CDKAL1: variants seen among roughly 807,000 people sequenced by gnomAD.
CDKAL1 encodes the protein threonylcarbamoyladenosine tRNA methylthiotransferase.
In CDKAL1, 32 loss-of-function variants were observed where a neutral mutation model predicts 68.2. That is an observed-to-expected ratio of 0.47 (90% CI 0.35 to 0.63). CDKAL1 has a LOEUF of 0.63. Ranked by LOEUF, CDKAL1 falls within the 30% of genes least tolerant of loss-of-function variation. CDKAL1 has a pLI of 0.00. For synonymous variants in CDKAL1, 234 were observed against 244.3 expected (o/e 0.96, Z 0.39); for missense variants, 606 against 696.7 (o/e 0.87, Z 1.47).
chr6:20,905,833 A>G lies in CDKAL1; in HGVS notation c.743-49586A>G, dbSNP rs183457228. ...CAACACAAAACAAACCCAGACAGCCAAAGAACCTATATCTAACGAAACTGT... is the reference window on the plus strand; with the variant it reads ...CAACACAAAACAAACCCAGACAGCCGAAGAACCTATATCTAACGAAACTGT... On this transcript the variant is annotated intron_variant, in intron 9 of 15. Coordinates refer to ENST00000274695, the MANE Select transcript of CDKAL1 (RefSeq NM_017774.3). 3.3e-3 allele frequency among the ~76,000 whole-genome samples: 507 copies of G among 152,338 alleles called. 10 individuals are homozygous for G. The highest frequency in any genetic ancestry group is 0.03 in the Admixed American group (452 of 15,302).
intron 4 of CDKAL1, among the ~76,000 whole-genome samples, chr6:20,590,472 A>G (rs1765545800): frequency 6.6e-6 from 1 of 152,022 alleles, no homozygotes; most frequent in Non-Finnish European, 1.5e-5. Flanking sequence ...CCCATCATCT[A>G]CATTAGGTAT....
intron 5 of CDKAL1, among the ~76,000 whole-genome samples, chr6:20,694,913 C>T (rs761366778): frequency 1.1e-4 from 16 of 152,238 alleles, no homozygotes; most frequent in Non-Finnish European, 1.8e-4. Flanking sequence ...CTGGTACCCC[C>T]ACATCTCTCT....
In CDKAL1 at chr6:20,978,315, T is replaced by A. The variant is rs527852089; in HGVS notation, c.910-21912T>A. Among the ~76,000 whole-genome samples, 213 of 152,318 alleles carry A rather than the reference T, an allele frequency of 1.4e-3. 1 individual carries two copies. Among genetic ancestry groups the A allele is most frequent in the Middle Eastern group, 0.01 (3 of 294 alleles). ...GAGCTTCACATGTGGCGGGTGTTTT[T>A]CTTAAGTTATTAGTAAGTGCCACAG... On this transcript the variant is annotated intron_variant, in intron 10 of 15. Transcript: ENST00000274695.
chr6:20,932,208 G>A (rs1763494421), intron 9 of CDKAL1, among the ~76,000 whole-genome samples: 1 of 152,166 alleles, frequency 6.6e-6, no homozygotes, highest in Non-Finnish European at 1.5e-5. Context: ...TTCTCTGAAA[G>A]TCTAAAATTA....
intron 9 of CDKAL1, among the ~76,000 whole-genome samples, chr6:20,858,867 G>A (rs528645016): frequency 6.6e-6 from 1 of 152,182 alleles, no homozygotes; most frequent in East Asian, 1.9e-4. Context: ...CAGAAAAAAA[G>A]GAGAAATTAT....
intron 11 of CDKAL1, among the ~76,000 whole-genome samples, chr6:21,017,028 TAAC>T (rs1248969824): frequency 2.0e-5 from 3 of 152,188 alleles, no homozygotes; most frequent in African/African-American, 4.8e-5. Flanking sequence ...TAAGGAACAG[TAAC>T]AACAACAGTT....
At chr6:21,131,805 AT>A (rs145900960) in intron 13 of CDKAL1, among the ~76,000 whole-genome samples, 19 of 152,168 alleles carry the variant, frequency 1.2e-4, no homozygotes, top group African/African-American at 2.2e-4. Flanking sequence ...TTTTAAAAAT[AT>A]TTTTTTAAAG....
chr6:20,676,116 G>C (rs1770082899), intron 5 of CDKAL1, among the ~76,000 whole-genome samples: 2 of 152,062 alleles, frequency 1.3e-5, no homozygotes, highest in Non-Finnish European at 2.9e-5. Flanking sequence ...GTGTTTTAAG[G>C]TAATCGTTAT....
chr6:21,176,880 G>C (rs555185152), intron 13 of CDKAL1, among the ~76,000 whole-genome samples: 1 of 151,590 alleles, frequency 6.6e-6, no homozygotes. Flanking sequence ...TGTAGTTTTA[G>C]TAGAGATGGG....
At chr6:20,869,719 T>C (rs1455426145) in intron 9 of CDKAL1, among the ~76,000 whole-genome samples, 3 of 152,208 alleles carry the variant, frequency 2.0e-5, no homozygotes, top group Non-Finnish European at 4.4e-5. Context: ...AAATAAGATT[T>C]CTAGCATAAT....
At chr6:20,768,848 G>C (rs1468587819) in intron 7 of CDKAL1, among the ~76,000 whole-genome samples, 2 of 152,158 alleles carry the variant, frequency 1.3e-5, no homozygotes, top group African/African-American at 2.4e-5. Flanking sequence ...TGATTCTCAA[G>C]AATGTTTGCT....
At chr6:20,802,429 A>C (rs972562093) in intron 8 of CDKAL1, among the ~76,000 whole-genome samples, 2 of 152,028 alleles carry the variant, frequency 1.3e-5, no homozygotes, top group South Asian at 4.2e-4. Context: ...TCCTCACCCT[A>C]TAGTCTCAAA....
chr6:20,879,436 G>T (rs904806589), intron 9 of CDKAL1, among the ~76,000 whole-genome samples: 1 of 152,226 alleles, frequency 6.6e-6, no homozygotes. Flanking sequence ...TTATGTAATA[G>T]TCACTTCAAC....
At chr6:20,946,004 A>G (rs1275391094) in intron 9 of CDKAL1, among the ~76,000 whole-genome samples, 1 of 152,200 alleles carries the variant, frequency 6.6e-6, no homozygotes, top group African/African-American at 2.4e-5. Context: ...AACTGCATTC[A>G]GTTTTCATGA....
intron 7 of CDKAL1, among the ~76,000 whole-genome samples, chr6:20,767,859 T>C (rs1774768422): frequency 6.6e-6 from 1 of 152,214 alleles, no homozygotes; most frequent in South Asian, 2.1e-4. Flanking sequence ...ATGGAGAGAC[T>C]AAATACCAAT....
intron 9 of CDKAL1, among the ~76,000 whole-genome samples, chr6:20,877,659 TTCTTAC>T (rs1416384291): frequency 2.6e-5 from 4 of 152,202 alleles, no homozygotes; most frequent in Non-Finnish European, 5.9e-5. Flanking sequence ...CTGTGTTCAT[TTCTTAC>T]TCTTACTCAT....
At chr6:20,569,907 C>T (rs1428747700) in intron 4 of CDKAL1, among the ~76,000 whole-genome samples, 1 of 152,042 alleles carries the variant, frequency 6.6e-6, no homozygotes, top group Non-Finnish European at 1.5e-5. Context: ...AACCTTTCAT[C>T]TCAAGAGAGT....
chr6:20,838,306 C>G (rs1041933787), intron 8 of CDKAL1, among the ~76,000 whole-genome samples: 2 of 152,026 alleles, frequency 1.3e-5, no homozygotes, highest in African/African-American at 4.8e-5. Context: ...CTTGGACATT[C>G]GTAAGTTAGC....
intron 12 of CDKAL1, among the ~76,000 whole-genome samples, chr6:21,094,407 G>A (rs1051719890): frequency 3.3e-5 from 5 of 152,290 alleles, no homozygotes; most frequent in East Asian, 3.9e-4. Flanking sequence ...TCATATACAT[G>A]GATAACTGAT....
Sources: allele counts gnomAD v4.1 joint callset (sites outside exome capture counted in the v4.1 genomes callset), GRCh38; gene constraint gnomAD v4.1.1; transcripts MANE v1.5; gene names NCBI Gene and HGNC (gene_info 2026-07-23, HGNC 2026-07-21).